The following SGK1 variants were observed in gnomAD, a reference collection of about 807,000 sequenced individuals.
SGK1 encodes serum/glucocorticoid regulated kinase 1.
Under a neutral mutation model 64.2 loss-of-function variants are expected in SGK1, and 26 were observed. The ratio of observed to expected loss-of-function variants is 0.40; its 90% CI spans 0.30 to 0.56. The LOEUF (loss-of-function observed/expected upper bound fraction) is 0.56. Among genes scored for constraint, SGK1 ranks in the 20% least tolerant of loss-of-function variants. SGK1 has a pLI of 0.38. For synonymous variants in SGK1, 265 were observed against 239.7 expected (o/e 1.11, Z -0.98); for missense variants, 519 against 645.6 (o/e 0.80, Z 2.12).
chr6:134,301,243 C>G lies in SGK1; in HGVS notation c.69+16149G>C, dbSNP rs1357029867. Among the ~76,000 whole-genome samples the G allele has an allele frequency of 2.6e-5, 4 of 152,198 alleles. No individual in the cohort carries two copies. In the South Asian group the frequency reaches 8.3e-4, roughly 32 times the overall value. On this transcript the variant is annotated intron_variant, in intron 1 of 13. Transcript: ENST00000367858. ...ATTTAAAGCACAGGAATGAATGAAC[C>G]TGTGTGTGGAGGAGGAGGGAGAGTG...
chr6:134,209,371 C>A (rs561488783), intron 2 of SGK1, among the ~76,000 whole-genome samples: 28 of 152,128 alleles, frequency 1.8e-4, no homozygotes, highest in African/African-American at 6.7e-4. Flanking sequence ...GAGGCAGAGG[C>A]CGCAGTGAGC....
intron 2 of SGK1, among the ~76,000 whole-genome samples, chr6:134,209,771 G>A (rs934904962): frequency 2.0e-5 from 3 of 152,112 alleles, no homozygotes; most frequent in Non-Finnish European, 2.9e-5. Context: ...CTGCCTCCTG[G>A]GTTCAAGTGA....
At chr6:134,238,408 A>G (rs985192640) in intron 2 of SGK1, among the ~76,000 whole-genome samples, 12 of 152,232 alleles carry the variant, frequency 7.9e-5, no homozygotes, top group Admixed American at 7.2e-4. Context: ...AGCATTAATT[A>G]CAGTAACTGC....
In SGK1 at chr6:134,207,406, T is replaced by C. The variant is rs1357190740; in HGVS notation, c.311A>G (p.Asn104Ser). Reference protein sequence around the residue: ...CEVREPCNHANILTKPDPRTF... With the variant: ...CEVREPCNHASILTKPDPRTF... ...TCTTGGATCGGGCTTGGTCAGGATG[T>C]TGGCATGATTACATGGCTCTCTCAC... Residue 104 changes from asparagine (N) to serine (S), a missense_variant, in exon 3 of 14, where the codon AAC becomes AGC. Asn to Ser is a conservative substitution (Grantham distance 46). Around this residue, in one of 2 missense-constraint regions of SGK1, gnomAD observed 241 missense variants for 236.9 expected, o/e 1.02. Transcript: ENST00000367858. 9.3e-6 allele frequency: 15 copies of C among 1,612,038 alleles called. No individual in the cohort carries two copies.
At chr6:134,273,766 G>A (rs960650243) in intron 1 of SGK1, among the ~76,000 whole-genome samples, 2 of 151,926 alleles carry the variant, frequency 1.3e-5, no homozygotes, top group Non-Finnish European at 2.9e-5. Context: ...ACTAAAGCTG[G>A]ATAGAAAGTT....
intron 1 of SGK1, among the ~76,000 whole-genome samples, chr6:134,285,048 G>C (rs1777160437): frequency 6.6e-6 from 1 of 152,150 alleles, no homozygotes; most frequent in Non-Finnish European, 1.5e-5. Context: ...TTTGGGTAGA[G>C]ACCCAGTAGT....
chr6:134,265,208 CCAGCACTTTGGGAG>C (rs1776831858), intron 1 of SGK1, among the ~76,000 whole-genome samples: 1 of 152,084 alleles, frequency 6.6e-6, no homozygotes, highest in South Asian at 2.1e-4. Context: ...GCCTGTAATC[CCAGCACTTTGGGAG>C]GTCGAGGCAG....
At chr6:134,193,910 T>C (rs1162204892) in intron 3 of SGK1, among the ~76,000 whole-genome samples, 1 of 146,356 alleles carries the variant, frequency 6.8e-6, no homozygotes, top group African/African-American at 2.5e-5. Flanking sequence ...CTTGAGGTGG[T>C]AGACAACCCA....
At chr6:134,274,246 C>T (rs1776986019) in intron 1 of SGK1, among the ~76,000 whole-genome samples, 1 of 152,158 alleles carries the variant, frequency 6.6e-6, no homozygotes, top group Non-Finnish European at 1.5e-5. Flanking sequence ...CTCAGGTGAT[C>T]CACCACCTCG....
intron 3 of SGK1, among the ~76,000 whole-genome samples, chr6:134,191,835 A>ATTTTTTTTTTTTT (rs71003671): frequency 0.03 from 1,839 of 61,084 alleles, 394 homozygotes; most frequent in African/African-American, 0.063. Context: ...CGCCCGGCTG[A>ATTTTTTTTTTTTT]TTTTTTTTTT....
At position 134,304,643 on chromosome 6, in the gene SGK1, A is replaced by G. The variant is rs144608190; in HGVS notation, c.69+12749T>C. Among the ~76,000 whole-genome samples, 583 of 152,198 alleles carry G rather than the reference A, an allele frequency of 3.8e-3. 5 individuals are homozygous for G. The highest frequency in any genetic ancestry group is 0.011 in the African/African-American group (460 of 41,542). ...CTTGAGTCTTGAAGTTCAAGGTTAA[A>G]GTGAGCAATCATCGCACCACTACTC... On this transcript the variant is annotated intron_variant, in intron 1 of 13. Coordinates refer to ENST00000367858, the MANE Select transcript of SGK1 (RefSeq NM_001143676.3).
intron 1 of SGK1, among the ~76,000 whole-genome samples, chr6:134,290,637 C>T (rs917484831): frequency 6.6e-6 from 1 of 152,066 alleles, no homozygotes; most frequent in African/African-American, 2.4e-5. Context: ...AATGGCAGGG[C>T]GCTGCAGCTC....
intron 1 of SGK1, among the ~76,000 whole-genome samples, chr6:134,263,145 C>T (rs1776792943): frequency 6.6e-6 from 1 of 152,180 alleles, no homozygotes; most frequent in African/African-American, 2.4e-5. Flanking sequence ...TTAGTTCACA[C>T]ATTTCTAAGG....
At chr6:134,181,695 A>G (rs573546784) in intron 3 of SGK1, among the ~76,000 whole-genome samples, 52 of 152,184 alleles carry the variant, frequency 3.4e-4, no homozygotes, top group African/African-American at 1.1e-3. Flanking sequence ...GAGGCAACAG[A>G]AGCTCGGGCC....
At chr6:134,186,921 A>G (rs1481868266) in intron 3 of SGK1, among the ~76,000 whole-genome samples, 2 of 151,770 alleles carry the variant, frequency 1.3e-5, no homozygotes, top group African/African-American at 4.8e-5. Flanking sequence ...GGTTCAAGCA[A>G]TTCTCCTGCC....
At chr6:134,224,972 A>G (rs1418397363) in intron 2 of SGK1, among the ~76,000 whole-genome samples, 2 of 139,942 alleles carry the variant, frequency 1.4e-5, no homozygotes, top group Non-Finnish European at 3.1e-5. Context: ...GTGAGCTGAG[A>G]TGGTGACACT....
At chr6:134,298,168 A>T in intron 1 of SGK1, 1 of 1,350,988 alleles carries the variant, frequency 7.4e-7, no homozygotes, top group Non-Finnish European at 1.1e-6. Context: ...CTGTAAGCTT[A>T]TTGATCTCAT....
intron 1 of SGK1, among the ~76,000 whole-genome samples, chr6:134,315,035 T>C (rs1185096819): frequency 6.6e-6 from 1 of 152,120 alleles, no homozygotes; most frequent in Non-Finnish European, 1.5e-5. Flanking sequence ...AGTTACTACA[T>C]CTGGGAAAGG....
chr6:134,173,586 ATTTCTTT>A lies in SGK1; in HGVS notation c.514-27_514-21del. The A allele has an allele frequency of 6.7e-7, 1 of 1,483,856 alleles. No homozygotes were observed. The highest frequency in any genetic ancestry group is 1.4e-5 in the African/African-American group (1 of 70,722). The allele number at this position is 1,483,856 out of a possible 1,614,324, so 91.9% of individuals were successfully genotyped here. A position where few individuals can be genotyped will look rare whatever the true frequency, so the allele number is the denominator to read the frequency against. ...ACTTGGCTAGAAAAAAAAAAAAAGA[ATTTCTTT>A]TAATACCATTGCTTCAAAGGAAGAC... On this transcript the variant is annotated intron_variant, in intron 5 of 13. Coordinates refer to ENST00000367858, the MANE Select transcript of SGK1 (RefSeq NM_001143676.3).
Sources: allele counts gnomAD v4.1 joint callset (sites outside exome capture counted in the v4.1 genomes callset), GRCh38; gene constraint gnomAD v4.1.1; regional missense constraint gnomAD v4.1.1; transcripts MANE v1.5; gene names NCBI Gene and HGNC (gene_info 2026-07-23, HGNC 2026-07-21).